Variants in CSMD2 observed in about 807,000 individuals in gnomAD.
CSMD2 encodes the protein CUB and Sushi multiple domains 2.
In CSMD2, 130 loss-of-function variants were observed where a neutral mutation model predicts 398.5. The observed-to-expected ratio is 0.33, with a 90% confidence interval of 0.28 to 0.38. The LOEUF (loss-of-function observed/expected upper bound fraction) is 0.38. Among genes scored for constraint, CSMD2 ranks in the 10% least tolerant of loss-of-function variants. The pLI, the probability that CSMD2 is intolerant of heterozygous loss-of-function variation, is 1.00. For missense variants in CSMD2, 3,829 were observed against 4,764.9 expected (o/e 0.80, Z 5.78); for synonymous variants, 1,828 against 1,908.5 (o/e 0.96, Z 1.10).
intron 25 of CSMD2, among the ~76,000 whole-genome samples, chr1:33,675,241 A>C (rs1242815533): frequency 6.6e-6 from 1 of 152,170 alleles, no homozygotes; most frequent in East Asian, 1.9e-4. Flanking sequence ...AAGAGAGAAG[A>C]ATCAAATAGA....
chr1:33,734,268 C>T (rs1003394959), intron 15 of CSMD2, among the ~76,000 whole-genome samples: 10 of 152,250 alleles, frequency 6.6e-5, no homozygotes, highest in African/African-American at 2.4e-4. Flanking sequence ...AAACCATTTT[C>T]CTCTGGGGAG....
At chr1:34,154,422 A>G (rs12048192) in intron 1 of CSMD2, among the ~76,000 whole-genome samples, 12,248 of 152,272 alleles carry the variant, frequency 0.08, 611 homozygotes, top group East Asian at 0.27. Context: ...AGGGTCCCAA[A>G]TGGGAATGTA....
In CSMD2 at chr1:34,165,171, C is replaced by G; in HGVS notation, c.-74G>C. On this transcript the variant is annotated 5_prime_UTR_variant, in exon 1 of 71. Transcript: ENST00000373381. The stretch of plus-strand genomic sequence containing the variant: ...AAAGGAGGTCAGGAGAGCTCTGGAG[C>G]TTTTTTCTGCTCGGAAAAAATCCCG... The G allele has an allele frequency of 1.7e-6, 2 of 1,190,330 alleles. No individual in the cohort carries two copies. The highest frequency in any genetic ancestry group is 2.1e-6 in the Non-Finnish European group (2 of 961,416). 73.7% of individuals were successfully genotyped at this position (1,190,330 alleles called of 1,614,324 possible).
chr1:33,827,422 G>T lies in CSMD2; in HGVS notation c.1034-1648C>A, dbSNP rs143382421. ...GCTTCAGCCTGCCAATTCCCCAAAA[G>T]GCCTTTCCTCAGGTATCTCTACGAC... On this transcript the variant is annotated intron_variant, in intron 6 of 70. Transcript: ENST00000373381. 6.3e-3 allele frequency among the ~76,000 whole-genome samples: 958 copies of T among 152,208 alleles called. 4 individuals carry two copies. Among genetic ancestry groups the T allele is most frequent in the African/African-American group, 0.021 (892 of 41,534 alleles).
chr1:33,873,549 T>A (rs1286590001), intron 5 of CSMD2: 1 of 152,274 alleles, frequency 6.6e-6, no homozygotes. Flanking sequence ...ATGAAGCAGC[T>A]GGGTTGAAAG....
At chr1:33,613,759 G>A (rs151101929) in intron 40 of CSMD2, among the ~76,000 whole-genome samples, 185 of 152,266 alleles carry the variant, frequency 1.2e-3, no homozygotes, top group African/African-American at 4.3e-3. Context: ...AAGATGACCC[G>A]TGCGTACGGC....
intron 2 of CSMD2, among the ~76,000 whole-genome samples, chr1:34,067,498 C>T (rs1295233885): frequency 6.6e-6 from 1 of 152,116 alleles, no homozygotes; most frequent in East Asian, 1.9e-4. Flanking sequence ...TTCTGCCATT[C>T]TAGGGAGCCA....
At chr1:33,724,365 C>T in intron 18 of CSMD2, 52 bp from the exon 19 acceptor site, 8 of 1,506,058 alleles carry the variant, frequency 5.3e-6, no homozygotes, top group Middle Eastern at 3.6e-4. Flanking sequence ...TCAGGGAGCA[C>T]CCCCGTCATC....
intron 3 of CSMD2, among the ~76,000 whole-genome samples, chr1:34,000,788 G>GT (rs1022247430): frequency 2.0e-4 from 31 of 152,238 alleles, no homozygotes; most frequent in African/African-American, 7.5e-4. Context: ...AAATTGCAGA[G>GT]TTTTTAAAAA....
chr1:33,846,203 G>C (rs1363900906), intron 6 of CSMD2, among the ~76,000 whole-genome samples: 1 of 152,206 alleles, frequency 6.6e-6, no homozygotes, highest in Non-Finnish European at 1.5e-5. Context: ...CCTTTTTATA[G>C]GTGGTTCTTG....
At chr1:33,850,103 G>A (rs1229981645) in intron 5 of CSMD2, among the ~76,000 whole-genome samples, 4 of 151,952 alleles carry the variant, frequency 2.6e-5, no homozygotes, top group Admixed American at 2.6e-4. Flanking sequence ...TGCTACACTG[G>A]CACTTCTCCC....
chr1:33,980,708 A>C (rs1195500677), intron 3 of CSMD2, among the ~76,000 whole-genome samples: 2 of 152,142 alleles, frequency 1.3e-5, no homozygotes, highest in Non-Finnish European at 2.9e-5. Flanking sequence ...TGCTCTCTAG[A>C]AGATTAGAGT....
At chr1:33,527,343 T>A in intron 64 of CSMD2, 85 bp from the exon 65 acceptor site, 1 of 1,091,912 alleles carries the variant, frequency 9.2e-7, no homozygotes, top group Non-Finnish European at 1.3e-6. Context: ...TGTCTGACCT[T>A]AGGTCAATGG....
intron 3 of CSMD2, among the ~76,000 whole-genome samples, chr1:33,994,449 C>T (rs926709826): frequency 1.3e-5 from 2 of 152,140 alleles, no homozygotes; most frequent in South Asian, 2.1e-4. Flanking sequence ...CATGGATGGC[C>T]GTTTTCACAG....
At chr1:33,583,424 G>T (rs566463713) in intron 47 of CSMD2, among the ~76,000 whole-genome samples, 1 of 152,274 alleles carries the variant, frequency 6.6e-6, no homozygotes, top group East Asian at 1.9e-4. Flanking sequence ...AGTAAGAAAA[G>T]GTTCGGTAAC....
At chr1:34,049,975 C>G (rs1215340001) in intron 2 of CSMD2, among the ~76,000 whole-genome samples, 1 of 152,204 alleles carries the variant, frequency 6.6e-6, no homozygotes, top group Non-Finnish European at 1.5e-5. Context: ...ACCCTGTCTG[C>G]AATGTGAAGA....
chr1:34,009,912 A>C (rs1464312683), intron 3 of CSMD2, among the ~76,000 whole-genome samples: 2 of 152,234 alleles, frequency 1.3e-5, no homozygotes, highest in East Asian at 3.9e-4. Flanking sequence ...ATCTGGACCA[A>C]GGCAATGTTT....
At chr1:34,143,766 T>A (rs1639518364) in intron 1 of CSMD2, among the ~76,000 whole-genome samples, 1 of 152,218 alleles carries the variant, frequency 6.6e-6, no homozygotes, top group African/African-American at 2.4e-5. Context: ...GTCTCTGTCA[T>A]CTCCAGCCTG....
chr1:34,129,205 TTG>T (rs1283399833), intron 1 of CSMD2, among the ~76,000 whole-genome samples: 1 of 152,114 alleles, frequency 6.6e-6, no homozygotes, highest in Non-Finnish European at 1.5e-5. Flanking sequence ...CCACCTGATG[TTG>T]TGTTTGTGAG....
Sources: allele counts gnomAD v4.1 joint callset (sites outside exome capture counted in the v4.1 genomes callset), GRCh38; gene constraint gnomAD v4.1.1; transcripts MANE v1.5; gene names NCBI Gene and HGNC (gene_info 2026-07-23, HGNC 2026-07-21).